Variants in SLC12A8 observed in about 807,000 individuals in gnomAD.
The protein encoded by SLC12A8 is cation-chloride cotransporter 9.
A neutral mutation model predicts 75.6 loss-of-function variants in SLC12A8; 69 were observed. The ratio of observed to expected loss-of-function variants is 0.91; its 90% CI spans 0.75 to 1.11. The LOEUF (loss-of-function observed/expected upper bound fraction) is 1.11. SLC12A8 is among the 50% of genes most tolerant of loss of function. The pLI, the probability that SLC12A8 is intolerant of heterozygous loss-of-function variation, is 0.00. For synonymous variants in SLC12A8, 365 were observed against 372.8 expected, an observed-to-expected ratio of 0.98 and a Z score of 0.24; for missense variants, 877 against 896.7, an observed-to-expected ratio of 0.98 and a Z score of 0.28.
intron 6 of SLC12A8, among the ~76,000 whole-genome samples, chr3:125,133,255 AT>A (rs759852670): frequency 1.3e-5 from 2 of 152,202 alleles, no homozygotes; most frequent in Non-Finnish European, 2.9e-5. Flanking sequence ...TATAACTAAC[AT>A]TCTATAAGAT....
chr3:125,162,048 C>T (rs1040368679), intron 5 of SLC12A8, among the ~76,000 whole-genome samples: 5 of 152,150 alleles, frequency 3.3e-5, no homozygotes, highest in South Asian at 2.1e-4. Flanking sequence ...TCTGTGTAGA[C>T]GGAATACCTG....
At chr3:125,121,971 G>A (rs958680493) in intron 6 of SLC12A8, among the ~76,000 whole-genome samples, 2 of 152,172 alleles carry the variant, frequency 1.3e-5, no homozygotes, top group African/African-American at 2.4e-5. Context: ...TTAGCCCAGC[G>A]TGTTTATAAA....
intron 10 of SLC12A8, among the ~76,000 whole-genome samples, chr3:125,093,366 CTG>C (rs1938633358): frequency 6.6e-6 from 1 of 152,150 alleles, no homozygotes; most frequent in African/African-American, 2.4e-5. Context: ...ACTCTCTTGA[CTG>C]TGTCATCTCC....
intron 6 of SLC12A8, among the ~76,000 whole-genome samples, chr3:125,131,387 AT>A (rs952095436): frequency 1.6e-4 from 24 of 150,668 alleles, no homozygotes; most frequent in Admixed American, 1.4e-3. Context: ...AATTATTAAG[AT>A]TTTTTTTTTA....
chr3:125,153,223 C>T (rs777658893), intron 5 of SLC12A8, among the ~76,000 whole-genome samples: 13 of 152,112 alleles, frequency 8.5e-5, no homozygotes, highest in South Asian at 2.1e-4. Flanking sequence ...ACCATGTGCC[C>T]GGTACTTTCC....
chr3:125,181,785 A>T (rs1579529703), intron 4 of SLC12A8, among the ~76,000 whole-genome samples: 1 of 74,364 alleles, frequency 1.3e-5, no homozygotes, highest in East Asian at 4.4e-4. Context: ...CTGATCTTTT[A>T]AAAAAAAATT....
intron 8 of SLC12A8, among the ~76,000 whole-genome samples, chr3:125,114,240 C>T (rs1939253260): frequency 6.6e-6 from 1 of 152,166 alleles, no homozygotes; most frequent in Non-Finnish European, 1.5e-5. Flanking sequence ...AGAGGACACT[C>T]AGGCTGGCCC....
At chr3:125,166,530 G>T (rs772579782) in intron 5 of SLC12A8, among the ~76,000 whole-genome samples, 8 of 152,154 alleles carry the variant, frequency 5.3e-5, no homozygotes, top group African/African-American at 1.4e-4. Flanking sequence ...GGCAGACAAG[G>T]CCTCTGCGTC....
intron 2 of SLC12A8, among the ~76,000 whole-genome samples, chr3:125,196,088 G>T (rs578121175): frequency 6.6e-6 from 1 of 152,334 alleles, no homozygotes; most frequent in South Asian, 2.1e-4. Flanking sequence ...GAATTCTTAT[G>T]TAGTGAGTAG....
In SLC12A8 at chr3:125,170,438, G is replaced by A. The variant is rs117232488; in HGVS notation, c.622+7305C>T. Among the ~76,000 whole-genome samples the A allele has an allele frequency of 3.6e-4, 55 of 152,340 alleles. No individual in the cohort carries two copies. In the East Asian group the frequency reaches 6.9e-3, roughly 19 times the overall value. The stretch of plus-strand genomic sequence containing the variant: ...GTATTTTAAATCTCTAATATGGAAT[G>A]CTATGTGGGTGTTTTAAAAGAATGA... On this transcript the variant is annotated intron_variant, in intron 5 of 13. Coordinates refer to ENST00000469902, the MANE Select transcript of SLC12A8 (RefSeq NM_024628.6).
chr3:125,134,090 T>G (rs1232074010), intron 6 of SLC12A8, among the ~76,000 whole-genome samples: 1 of 152,106 alleles, frequency 6.6e-6, no homozygotes, highest in Non-Finnish European at 1.5e-5. Flanking sequence ...TATATTGTTG[T>G]GTGTATCGAT....
chr3:125,161,541 G>A (rs879648788), intron 5 of SLC12A8, among the ~76,000 whole-genome samples: 1 of 152,074 alleles, frequency 6.6e-6, no homozygotes, highest in Admixed American at 6.6e-5. Context: ...CCAGATCCCT[G>A]GTCTTTCTCT....
intron 5 of SLC12A8, among the ~76,000 whole-genome samples, chr3:125,175,524 CAAG>C (rs764345046): frequency 4.7e-4 from 71 of 152,278 alleles, no homozygotes; most frequent in South Asian, 2.5e-3. Context: ...AACTTCTAAT[CAAG>C]AAGAAGGAAA....
intron 6 of SLC12A8, 141 bp from the exon 7 acceptor site, chr3:125,120,827 G>C (rs1189453663): frequency 1.4e-6 from 1 of 725,044 alleles, no homozygotes; most frequent in South Asian, 1.5e-5. Context: ...TCTGCGCATA[G>C]GCTGCTTTTC....
chr3:125,084,713 G>C (rs952469617), intron 13 of SLC12A8, among the ~76,000 whole-genome samples: 1 of 152,212 alleles, frequency 6.6e-6, no homozygotes, highest in African/African-American at 2.4e-5. Flanking sequence ...CAGGCTGGCT[G>C]TCCAGGCAGC....
rs1280648922 is a variant in SLC12A8, at chr3:125,083,972, T to C, written c.2063A>G (p.Gln688Arg). The C allele has an allele frequency of 1.2e-6, 2 of 1,613,632 alleles. No individual in the cohort carries two copies. Among genetic ancestry groups the C allele is most frequent in the South Asian group, 1.1e-5 (1 of 90,922 alleles). The change falls in exon 14 of 14, where the codon CAG (glutamine) becomes CGG (arginine). Residue 688 changes from glutamine (Q) to arginine (R), a missense_variant. Coordinates refer to ENST00000469902, the MANE Select transcript of SLC12A8 (RefSeq NM_024628.6). ...KVDMEMTQLTQENADFATRDR... is the reference protein window; with the variant it reads ...KVDMEMTQLTRENADFATRDR... ...CCGAGTGGCGAAGTCTGCATTCTCC[T>C]GGGTGAGCTGAGTCATCTCCATGTC...
chr3:125,137,619 A>G (rs532549), intron 5 of SLC12A8, among the ~76,000 whole-genome samples: 150,227 of 152,360 alleles, frequency 0.99, 74,095 homozygotes, highest in East Asian at 1. Context: ...GACAGAAAAC[A>G]CTTCATCAGG....
intron 6 of SLC12A8, among the ~76,000 whole-genome samples, chr3:125,133,449 T>C (rs1405547380): frequency 6.6e-6 from 1 of 151,980 alleles, no homozygotes; most frequent in Admixed American, 6.6e-5. Flanking sequence ...CAAAGCTCAC[T>C]GTAGCCTTGA....
intron 5 of SLC12A8, among the ~76,000 whole-genome samples, chr3:125,147,112 C>T (rs114224340): frequency 4.5e-4 from 68 of 152,338 alleles, no homozygotes; most frequent in African/African-American, 1.5e-3. Flanking sequence ...ATATCAAGCA[C>T]GCCCAACTTC....
Sources: allele counts gnomAD v4.1 joint callset (sites outside exome capture counted in the v4.1 genomes callset), GRCh38; gene constraint gnomAD v4.1.1; transcripts MANE v1.5; gene names NCBI Gene and HGNC (gene_info 2026-07-23, HGNC 2026-07-21).